Variants in FMN2 observed in about 807,000 individuals in gnomAD.
The protein encoded by FMN2 is formin 2.
In FMN2, 51 loss-of-function variants were observed where a neutral mutation model predicts 142.3. The observed-to-expected ratio is 0.36, with a 90% confidence interval of 0.29 to 0.45. The LOEUF (loss-of-function observed/expected upper bound fraction) is 0.45. Ranked by LOEUF, FMN2 falls within the 20% of genes least tolerant of loss-of-function variation. The probability of loss-of-function intolerance (pLI) is 1.00; values close to 1 mark genes in which losing one functional copy is unlikely to be tolerated. For missense variants in FMN2, 1,936 were observed against 2,122.8 expected, an observed-to-expected ratio of 0.91 and a Z score of 1.73; for synonymous variants, 882 against 869.8, an observed-to-expected ratio of 1.01 and a Z score of -0.25.
chr1:240,187,101 C>CT (rs1444770840), intron 3 of FMN2, among the ~76,000 whole-genome samples: 3 of 129,564 alleles, frequency 2.3e-5, no homozygotes, highest in Admixed American at 7.6e-5. Context: ...CCCGTCTGTA[C>CT]CAAAAAAAAA....
intron 13 of FMN2, among the ~76,000 whole-genome samples, chr1:240,350,236 C>T (rs1672045512): frequency 6.6e-6 from 1 of 152,126 alleles, no homozygotes; most frequent in Non-Finnish European, 1.5e-5. Flanking sequence ...ATAAGTAAAG[C>T]AACAATTACC....
chr1:240,290,780 G>GTT (rs869026471), intron 7 of FMN2, among the ~76,000 whole-genome samples: 2,507 of 99,940 alleles, frequency 0.025, 335 homozygotes, highest in African/African-American at 0.069. Context: ...TGTTTGTTTG[G>GTT]TTTTTTTTTT....
At chr1:240,241,288 T>C (rs571133720) in intron 6 of FMN2, among the ~76,000 whole-genome samples, 1 of 152,020 alleles carries the variant, frequency 6.6e-6, no homozygotes, top group African/African-American at 2.4e-5. Context: ...TTTCAGCTTT[T>C]TCTAAGAAAG....
intron 8 of FMN2, among the ~76,000 whole-genome samples, chr1:240,297,465 G>A (rs1025251417): frequency 2.0e-5 from 3 of 151,712 alleles, no homozygotes; most frequent in East Asian, 2.0e-4. Context: ...ATGGTGGCCC[G>A]GGCACGTGTA....
chr1:240,109,911 G>A (rs1323239132), intron 1 of FMN2, among the ~76,000 whole-genome samples: 1 of 152,026 alleles, frequency 6.6e-6, no homozygotes, highest in Non-Finnish European at 1.5e-5. Context: ...TCTTCAGCTT[G>A]TCTTCCTCTA....
intron 8 of FMN2, among the ~76,000 whole-genome samples, chr1:240,311,525 T>C (rs990852025): frequency 4.6e-5 from 7 of 152,096 alleles, no homozygotes; most frequent in African/African-American, 1.7e-4. Context: ...TAAACGTGCT[T>C]AAGGTGAATT....
At chr1:240,389,205 A>G (rs1449137087) in intron 14 of FMN2, among the ~76,000 whole-genome samples, 1 of 152,336 alleles carries the variant, frequency 6.6e-6, no homozygotes, top group Non-Finnish European at 1.5e-5. Context: ...TCTGTACATA[A>G]GAAACTGCTA....
At chr1:240,396,303 CGT>C (rs57641655) in intron 15 of FMN2, among the ~76,000 whole-genome samples, 6,742 of 142,600 alleles carry the variant, frequency 0.047, 136 homozygotes, top group African/African-American at 0.064. Context: ...CCGAGGTTTT[CGT>C]GTGTGTGTGT....
intron 1 of FMN2, among the ~76,000 whole-genome samples, chr1:240,121,614 C>T (rs992156850): frequency 6.6e-6 from 1 of 150,916 alleles, no homozygotes; most frequent in Non-Finnish European, 1.5e-5. Context: ...TGGTCTTGAT[C>T]TCCTGACCTC....
chr1:240,183,429 A>G (rs915847779), intron 3 of FMN2, among the ~76,000 whole-genome samples: 1 of 148,098 alleles, frequency 6.8e-6, no homozygotes, highest in African/African-American at 2.5e-5. Flanking sequence ...TATATATTAT[A>G]TGATTAGGTT....
At chr1:240,144,147 G>T in intron 2 of FMN2, 2 of 1,325,972 alleles carry the variant, frequency 1.5e-6, no homozygotes, top group Non-Finnish European at 2.2e-6. Flanking sequence ...AACAGATGCA[G>T]CTGCACTCAA....
At chr1:240,329,606 C>A in intron 10 of FMN2, 138 bp downstream of exon 10, 2 of 1,160,022 alleles carry the variant, frequency 1.7e-6, no homozygotes, top group Non-Finnish European at 2.4e-6. Context: ...CAGAAGGGAA[C>A]ATTTTATGAT....
intron 15 of FMN2, among the ~76,000 whole-genome samples, chr1:240,424,355 A>T (rs968368704): frequency 1.3e-5 from 2 of 152,200 alleles, no homozygotes; most frequent in African/African-American, 4.8e-5. Flanking sequence ...GATAGACTCT[A>T]TAGATAAGTA....
At position 240,377,705 on chromosome 1, in the gene FMN2, A is replaced by T. The variant is rs143918106; in HGVS notation, c.4859-14806A>T. On this transcript the variant is annotated intron_variant, in intron 14 of 17. Coordinates refer to ENST00000319653, the MANE Select transcript of FMN2 (RefSeq NM_020066.5). ...CTCTTTCACTTACAAGGACCCAGTG[A>T]TTGCACTGGGACAACGAGGTATAAT... Among the ~76,000 whole-genome samples, 282 of 152,214 alleles carry T rather than the reference A, an allele frequency of 1.9e-3. 2 individuals are homozygous for T. The highest frequency in any genetic ancestry group is 6.4e-3 in the African/African-American group (266 of 41,530).
chr1:240,126,872 A>G (rs558248375), intron 2 of FMN2, among the ~76,000 whole-genome samples: 2 of 152,268 alleles, frequency 1.3e-5, no homozygotes, highest in East Asian at 1.9e-4. Flanking sequence ...TCAGATTCTA[A>G]TAAGTGATAT....
At chr1:240,308,529 C>T (rs754566734) in intron 8 of FMN2, among the ~76,000 whole-genome samples, 6 of 152,004 alleles carry the variant, frequency 3.9e-5, no homozygotes, top group East Asian at 1.9e-4. Context: ...GGGACGAGGA[C>T]GGGGCTTTAC....
chr1:240,450,762 A>G (rs1373749322), intron 16 of FMN2, among the ~76,000 whole-genome samples: 1 of 152,186 alleles, frequency 6.6e-6, no homozygotes, highest in African/African-American at 2.4e-5. Context: ...GAATGATTTA[A>G]AACTTGATGC....
intron 2 of FMN2, among the ~76,000 whole-genome samples, chr1:240,158,428 A>C (rs982490669): frequency 1.3e-5 from 2 of 152,156 alleles, no homozygotes; most frequent in Non-Finnish European, 2.9e-5. Context: ...CAATGCCACA[A>C]GGTTGGCTAG....
At chr1:240,315,085 A>T (rs4433380) in intron 8 of FMN2, among the ~76,000 whole-genome samples, 1 of 152,128 alleles carries the variant, frequency 6.6e-6, no homozygotes, top group East Asian at 1.9e-4. Flanking sequence ...AATTTTGCCA[A>T]CCTGATGCCA....
Sources: gnomAD v4.1 joint callset for allele counts (sites outside exome capture counted in the v4.1 genomes callset) on GRCh38, gnomAD v4.1.1 for gene constraint, MANE v1.5 for transcripts, NCBI Gene and HGNC (gene_info 2026-07-23, HGNC 2026-07-21) for gene names.